The following CDH22 variants were observed in gnomAD, a reference collection of about 807,000 sequenced individuals.
CDH22 encodes the protein cadherin 22, also known as cadherin-22.
In CDH22, 30 loss-of-function variants were observed where a neutral mutation model predicts 58.4. The observed-to-expected ratio is 0.51, with a 90% CI of 0.38 to 0.70. CDH22 has a LOEUF of 0.70. Ranked by LOEUF, CDH22 falls within the 30% of genes least tolerant of loss-of-function variation. CDH22 has a pLI of 0.00. For synonymous variants in CDH22, 513 were observed against 558.2 expected (o/e 0.92, Z 1.14); for missense variants, 1,014 against 1,233.9 (o/e 0.82, Z 2.67).
chr20:46,299,919 C>G (rs2086643601), intron 1 of CDH22, among the ~76,000 whole-genome samples: 1 of 152,104 alleles, frequency 6.6e-6, no homozygotes, highest in Admixed American at 6.5e-5. Flanking sequence ...AGAGAAAAGT[C>G]ATGACAAGGC....
At chr20:46,181,417 G>A (rs958109624) in intron 10 of CDH22, among the ~76,000 whole-genome samples, 13 of 152,110 alleles carry the variant, frequency 8.5e-5, no homozygotes, top group African/African-American at 3.1e-4. Flanking sequence ...GTTGGAAGAA[G>A]CATAACACAC....
chr20:46,251,260 G>C lies in CDH22; in HGVS notation c.35C>G (p.Ala12Gly). The change falls in exon 2 of 12, where the codon GCG becomes GGG. Residue 12 changes from alanine to glycine, a missense_variant. By Grantham distance (60) the Ala-to-Gly change is moderately conservative. Coordinates refer to ENST00000537909, the MANE Select transcript of CDH22 (RefSeq NM_021248.3). This position sits in a 1 kb window ranked among gnomAD's most constrained non-coding sequence, Gnocchi z 6.7. ...RPRPEGRGLR[A>G]GVALSPALLL... Reference sequence around the variant, plus strand: ...TAGCGCGGGGGACAGCGCGACTCCCGCCCGGAGCCCCCTACCTTCGGGCCT... The same window carrying C: ...TAGCGCGGGGGACAGCGCGACTCCCCCCCGGAGCCCCCTACCTTCGGGCCT... 1.4e-6 allele frequency: 2 copies of C among 1,464,392 alleles called. No individual in the cohort carries two copies. Among genetic ancestry groups the C allele is most frequent in the Non-Finnish European group, 1.8e-6 (2 of 1,113,548 alleles). The allele number at this position is 1,464,392 out of a possible 1,614,324, so 90.7% of individuals were successfully genotyped here.
chr20:46,297,719 A>G (rs1412151419), intron 1 of CDH22, among the ~76,000 whole-genome samples: 1 of 151,958 alleles, frequency 6.6e-6, no homozygotes. Context: ...GCTTTCCAAG[A>G]GGATGAGGGC....
intron 1 of CDH22, among the ~76,000 whole-genome samples, chr20:46,304,191 C>T (rs926992515): frequency 1.3e-5 from 2 of 152,180 alleles, no homozygotes; most frequent in Admixed American, 6.5e-5. Flanking sequence ...CTCAATTCCC[C>T]TCCTGCAGGG....
At chr20:46,303,779 G>C (rs2086662610) in intron 1 of CDH22, among the ~76,000 whole-genome samples, 1 of 152,144 alleles carries the variant, frequency 6.6e-6, no homozygotes, top group Admixed American at 6.5e-5. Flanking sequence ...CAAGGACCTT[G>C]AATGTCATAG....
In CDH22 at chr20:46,216,942, T is replaced by C; in HGVS notation, c.722A>G (p.Tyr241Cys). 6.2e-7 allele frequency: 1 copy of C among 1,608,132 alleles called. No homozygotes were observed. Reference protein sequence around the residue: ...PDLDRESQERYEVVIQATDMA... With the variant: ...PDLDRESQERCEVVIQATDMA... ...GTCTGTGGCCTGGATCACCACCTCG[T>C]AGCGCTCCTGGCTCTCGCGGTCAAG... is the stretch of plus-strand genomic sequence containing the variant. Residue 241 changes from tyrosine to cysteine, a missense_variant, in exon 5 of 12, where the codon TAC becomes TGC. By Grantham distance (194) the Tyr-to-Cys change is radical (BLOSUM62 -2). Around this residue, in one of 2 missense-constraint regions of CDH22, gnomAD observed 806 missense variants for 1,038.7 expected, o/e 0.78. Transcript: ENST00000537909. The surrounding 1 kb of genome is among the most constrained non-coding windows in gnomAD (Gnocchi z 5.3).
At chr20:46,307,703 C>G (rs1375721370) in intron 1 of CDH22, among the ~76,000 whole-genome samples, 1 of 151,960 alleles carries the variant, frequency 6.6e-6, no homozygotes, top group African/African-American at 2.4e-5. Flanking sequence ...TCCGGGTGTC[C>G]CCGGACGCGG....
intron 10 of CDH22, among the ~76,000 whole-genome samples, chr20:46,178,807 C>T (rs1302818708): frequency 6.6e-6 from 1 of 152,072 alleles, no homozygotes; most frequent in Non-Finnish European, 1.5e-5. Flanking sequence ...ACCCCAAGGC[C>T]AGTTGAGAGT....
At chr20:46,187,139 C>A (rs887537098) in intron 8 of CDH22, among the ~76,000 whole-genome samples, 192 bp from the exon 9 acceptor site, 1 of 152,056 alleles carries the variant, frequency 6.6e-6, no homozygotes, top group African/African-American at 2.4e-5. Context: ...ATCACCACCA[C>A]CATTACCATC....
intron 1 of CDH22, among the ~76,000 whole-genome samples, chr20:46,305,039 A>G (rs181153121): frequency 6.6e-6 from 1 of 152,346 alleles, no homozygotes; most frequent in African/African-American, 2.4e-5. Context: ...GCCCAACTGC[A>G]TATAACAGCC....
chr20:46,271,164 A>C (rs1487020802), intron 1 of CDH22, among the ~76,000 whole-genome samples: 1 of 152,168 alleles, frequency 6.6e-6, no homozygotes, highest in Admixed American at 6.5e-5. Context: ...CCCATTGTAA[A>C]CATCCATTTA....
chr20:46,280,026 C>T (rs1454534562), intron 1 of CDH22, among the ~76,000 whole-genome samples: 1 of 152,098 alleles, frequency 6.6e-6, no homozygotes, highest in Non-Finnish European at 1.5e-5. Context: ...AGTGATTTGT[C>T]CCAGGTCACA....
At chr20:46,294,244 A>T (rs900556852) in intron 1 of CDH22, among the ~76,000 whole-genome samples, 1 of 152,152 alleles carries the variant, frequency 6.6e-6, no homozygotes, top group African/African-American at 2.4e-5. Flanking sequence ...GCCCTAGTTA[A>T]GCCCCTTCCC....
intron 1 of CDH22, among the ~76,000 whole-genome samples, chr20:46,261,423 T>C (rs1259807640): frequency 2.0e-5 from 3 of 152,222 alleles, no homozygotes; most frequent in African/African-American, 7.2e-5. Context: ...AGGCCTATAG[T>C]GCAGCCTGAG....
intron 3 of CDH22, among the ~76,000 whole-genome samples, chr20:46,233,792 C>A (rs1026902854): frequency 6.6e-6 from 1 of 152,256 alleles, no homozygotes; most frequent in Non-Finnish European, 1.5e-5. Flanking sequence ...CCACCAGAAG[C>A]CTCCTGTCCC....
intron 1 of CDH22, among the ~76,000 whole-genome samples, chr20:46,277,106 T>C (rs1045421207): frequency 6.9e-6 from 1 of 144,986 alleles, no homozygotes; most frequent in Non-Finnish European, 1.5e-5. Context: ...CTAGGCGACA[T>C]AGCGAGACCC....
intron 7 of CDH22, among the ~76,000 whole-genome samples, chr20:46,203,215 A>C (rs949165440): frequency 6.8e-6 from 1 of 147,962 alleles, no homozygotes; most frequent in African/African-American, 2.5e-5. Flanking sequence ...GGCTGAGCCC[A>C]GGTGTTTTTA....
rs74176857 is a variant in CDH22, at chr20:46,226,231, C to CCTT, written c.670+1274_670+1276dup. Among the ~76,000 whole-genome samples, 573 of 86,550 alleles carry CCTT rather than the reference C, an allele frequency of 6.6e-3. 13 individuals carry two copies. Among genetic ancestry groups the CCTT allele is most frequent in the East Asian group, 0.054 (180 of 3,326 alleles). The allele number at this position is 86,550 out of a possible 152,430, so 56.8% of individuals were successfully genotyped here. A position where few individuals can be genotyped will look rare whatever the true frequency, so the allele number is the denominator to read the frequency against. ...TCTCTGAAATCTTGGTCTGGCAACACCTTCTTCTTCTTCTTCTTCTTCTTC... is the reference window on the plus strand; with the variant it reads ...TCTCTGAAATCTTGGTCTGGCAACACCTTCTTCTTCTTCTTCTTCTTCTTCTTC... On this transcript the variant is annotated intron_variant, in intron 4 of 11. Coordinates refer to ENST00000537909, the MANE Select transcript of CDH22 (RefSeq NM_021248.3).
At chr20:46,285,608 G>A (rs896282666) in intron 1 of CDH22, among the ~76,000 whole-genome samples, 3 of 152,092 alleles carry the variant, frequency 2.0e-5, no homozygotes, top group Non-Finnish European at 2.9e-5. Context: ...ACTGCCCTGC[G>A]GTCATCTGAT....
Sources: gnomAD v4.1 joint callset for allele counts (sites outside exome capture counted in the v4.1 genomes callset) on GRCh38, gnomAD v4.1.1 for gene constraint, gnomAD v4.1.1 regional missense constraint, Gnocchi (gnomAD v3.1) non-coding constraint, MANE v1.5 for transcripts, NCBI Gene and HGNC (gene_info 2026-07-23, HGNC 2026-07-21) for gene names.